The following MACROD2 variants were observed in gnomAD, a reference collection of about 807,000 sequenced individuals.
MACROD2 encodes the protein ADP-ribose glycohydrolase MACROD2.
A neutral mutation model predicts 70.4 loss-of-function variants in MACROD2; 36 were observed. The observed-to-expected ratio is 0.51, with a 90% confidence interval of 0.39 to 0.68. The LOEUF is 0.68. Ranked by LOEUF, MACROD2 falls within the 30% of genes least tolerant of loss-of-function variation. MACROD2 has a pLI of 0.00. For missense variants in MACROD2, 496 were observed against 538.4 expected (o/e 0.92, Z 0.78); for synonymous variants, 172 against 178.8 (o/e 0.96, Z 0.30).
At chr20:15,697,028 A>G (rs1221893871) in intron 8 of MACROD2, among the ~76,000 whole-genome samples, 1 of 151,340 alleles carries the variant, frequency 6.6e-6, no homozygotes, top group Non-Finnish European at 1.5e-5. Context: ...TATCTTTTGT[A>G]TTGTCTTTTT....
intron 3 of MACROD2, among the ~76,000 whole-genome samples, chr20:14,461,391 G>A (rs2084369457): frequency 1.3e-5 from 2 of 151,726 alleles, no homozygotes; most frequent in African/African-American, 4.8e-5. Flanking sequence ...TGGATTCACT[G>A]ATTTTTTTGA....
chr20:15,420,443 G>A (rs945398876), intron 6 of MACROD2, among the ~76,000 whole-genome samples: 3 of 152,114 alleles, frequency 2.0e-5, no homozygotes, highest in Non-Finnish European at 2.9e-5. Context: ...TTCACTGGCC[G>A]TTTCTATGTG....
intron 8 of MACROD2, among the ~76,000 whole-genome samples, chr20:15,708,603 G>T (rs1210476256): frequency 6.6e-6 from 1 of 152,178 alleles, no homozygotes; most frequent in Non-Finnish European, 1.5e-5. Context: ...AGCCCAGCAT[G>T]CTGGCTCACA....
intron 5 of MACROD2, among the ~76,000 whole-genome samples, chr20:15,033,120 G>A (rs995844415): frequency 2.0e-5 from 3 of 152,128 alleles, no homozygotes; most frequent in African/African-American, 7.2e-5. Context: ...TCAGTACGGG[G>A]GATGAAAATG....
At chr20:15,925,681 C>T (rs532242884) in intron 10 of MACROD2, among the ~76,000 whole-genome samples, 27 of 152,280 alleles carry the variant, frequency 1.8e-4, no homozygotes, top group Non-Finnish European at 3.2e-4. Flanking sequence ...CATTACACAA[C>T]ACATATGGAA....
intron 5 of MACROD2, among the ~76,000 whole-genome samples, chr20:14,776,332 T>A (rs1220679227): frequency 1.3e-5 from 2 of 152,052 alleles, no homozygotes; most frequent in Non-Finnish European, 2.9e-5. Flanking sequence ...TAGTTTAATA[T>A]GTTGAAACTT....
chr20:14,312,702 T>C (rs2082577573), intron 3 of MACROD2, among the ~76,000 whole-genome samples: 1 of 152,230 alleles, frequency 6.6e-6, no homozygotes, highest in Admixed American at 6.5e-5. Flanking sequence ...TGTCAGGCAC[T>C]ACTATATTAA....
intron 3 of MACROD2, among the ~76,000 whole-genome samples, chr20:14,306,607 A>C (rs2082522954): frequency 6.6e-6 from 1 of 152,116 alleles, no homozygotes; most frequent in Non-Finnish European, 1.5e-5. Flanking sequence ...ATTGATATTT[A>C]GGGGGTCTTC....
Position 14,547,266 on chromosome 20 carries a change from GTTATCTA to G in MACROD2, c.301+53760_301+53766del, listed in dbSNP as rs1000433076. On this transcript the variant is annotated intron_variant, in intron 4 of 17. Coordinates refer to ENST00000684519, the MANE Select transcript of MACROD2 (RefSeq NM_001351661.2). ...GACACGTGAAGGATCTCATCAACCA[GTTATCTA>G]TATAATCCTCATGATAAATGTGCAT... The G allele has an allele frequency of 5.8e-6, 3 of 519,818 alleles. No homozygotes were observed. In the African/African-American group the frequency reaches 6.1e-5, roughly 11 times the overall value. The allele number at this position is 519,818 out of a possible 1,614,324, so 32.2% of individuals were successfully genotyped here. A position where few individuals can be genotyped will look rare whatever the true frequency, so the allele number is the denominator to read the frequency against.
intron 8 of MACROD2, among the ~76,000 whole-genome samples, chr20:15,681,969 T>C (rs947101900): frequency 2.0e-5 from 3 of 152,216 alleles, no homozygotes; most frequent in African/African-American, 7.2e-5. Flanking sequence ...TTCTTCTGAA[T>C]AGCCCTTCCA....
At chr20:15,591,831 C>T (rs1435346580) in intron 8 of MACROD2, among the ~76,000 whole-genome samples, 1 of 152,112 alleles carries the variant, frequency 6.6e-6, no homozygotes, top group Non-Finnish European at 1.5e-5. Context: ...GACTTCCTTC[C>T]TCCCACCCTG....
At chr20:15,400,739 A>G (rs532036669) in intron 6 of MACROD2, among the ~76,000 whole-genome samples, 2 of 152,336 alleles carry the variant, frequency 1.3e-5, no homozygotes, top group East Asian at 1.9e-4. Context: ...TTCCATTCCC[A>G]ATAAATGAAC....
At chr20:14,451,166 G>A (rs1291831114) in intron 3 of MACROD2, among the ~76,000 whole-genome samples, 1 of 152,084 alleles carries the variant, frequency 6.6e-6, no homozygotes, top group Non-Finnish European at 1.5e-5. Context: ...ACCTGGCCGG[G>A]TGCAGTGGTT....
chr20:14,809,615 A>G (rs1319462824), intron 5 of MACROD2, among the ~76,000 whole-genome samples: 1 of 152,088 alleles, frequency 6.6e-6, no homozygotes, highest in Non-Finnish European at 1.5e-5. Flanking sequence ...AGAGACACAA[A>G]AAAACTCTTC....
At chr20:14,406,546 C>T (rs2083693131) in intron 3 of MACROD2, among the ~76,000 whole-genome samples, 1 of 152,026 alleles carries the variant, frequency 6.6e-6, no homozygotes, top group Admixed American at 6.6e-5. Context: ...GCTATTTAGT[C>T]TCCTTCTTTT....
At chr20:15,573,808 A>T (rs1248337800) in intron 8 of MACROD2, among the ~76,000 whole-genome samples, 2 of 152,112 alleles carry the variant, frequency 1.3e-5, no homozygotes, top group African/African-American at 4.8e-5. Context: ...GGCACTTGGA[A>T]TGGTGTAGCC....
intron 5 of MACROD2, among the ~76,000 whole-genome samples, chr20:15,107,983 C>CTT (rs76491578): frequency 0.08 from 11,374 of 142,600 alleles, 509 homozygotes; most frequent in Middle Eastern, 0.17. Flanking sequence ...AGAGCAAGCT[C>CTT]TTTTTTTTTT....
At chr20:15,557,050 A>G (rs2048177743) in intron 8 of MACROD2, among the ~76,000 whole-genome samples, 1 of 152,210 alleles carries the variant, frequency 6.6e-6, no homozygotes, top group Non-Finnish European at 1.5e-5. Context: ...TTGATGAGTC[A>G]TACAATCATA....
chr20:15,221,549 G>A (rs939766857), intron 5 of MACROD2, among the ~76,000 whole-genome samples: 2 of 152,130 alleles, frequency 1.3e-5, no homozygotes, highest in Admixed American at 6.5e-5. Context: ...GTTTCAATCT[G>A]TGTTATTAAA....
Sources: allele counts gnomAD v4.1 joint callset (sites outside exome capture counted in the v4.1 genomes callset), GRCh38; gene constraint gnomAD v4.1.1; transcripts MANE v1.5; gene names NCBI Gene and HGNC (gene_info 2026-07-23, HGNC 2026-07-21).